Variants in HPS5 observed in about 807,000 individuals in gnomAD.
The protein encoded by HPS5 is BLOC-2 complex member HPS5.
A neutral mutation model predicts 128.0 loss-of-function variants in HPS5; 83 were observed. The ratio of observed to expected loss-of-function variants is 0.65; its 90% CI spans 0.54 to 0.78. The LOEUF is 0.78. HPS5 is among the 30% of genes least tolerant of loss of function. The pLI, the probability that HPS5 is intolerant of heterozygous loss-of-function variation, is 0.00. For missense variants in HPS5, 1,281 were observed against 1,326.2 expected, an observed-to-expected ratio of 0.97 and a Z score of 0.53; for synonymous variants, 475 against 470.2, an observed-to-expected ratio of 1.01 and a Z score of -0.13.
rs558603925 is a variant in HPS5 at position 18,311,456 on chromosome 11, A to G, written c.220-5T>C. ...GACTTGAGAAATTGCACCTTCCTAG[A>G]GCACAAAAGAAAATACATTTTTTAA... is the stretch of plus-strand genomic sequence containing the variant. On this transcript the variant is annotated splice_polypyrimidine_tract_variant and splice_region_variant and intron_variant, in intron 3 of 22. Transcript: ENST00000349215. 10 of 1,563,202 alleles carry G rather than the reference A, an allele frequency of 6.4e-6. No homozygotes were observed. In the African/African-American group the frequency reaches 1.1e-4, roughly 17 times the overall value.
Position 18,311,926 on chromosome 11 carries a change from A to T in HPS5, c.207T>A (p.Phe69Leu). The change falls in exon 3 of 23, where the codon TTT (phenylalanine) becomes TTA (leucine). Residue 69 changes from phenylalanine to leucine, a missense_variant. Physicochemically the swap from Phe to Leu is conservative, Grantham distance 22. Transcript: ENST00000349215. The part of the protein sequence containing the change: ...IQKEGWKHRL[F>L]LSHREGAISQ... ...CCCTTAATCTTACCCTGTGTGAAAG[A>T]AAAAGCCTGTGCTTCCAGCCTTCTT... 6.2e-7 allele frequency: 1 copy of T among 1,612,028 alleles called. No individual in the cohort carries two copies. The highest frequency in any genetic ancestry group is 2.2e-5 in the East Asian group (1 of 44,874).
At chr11:18,313,941 G>A (rs1037378459) in intron 2 of HPS5, among the ~76,000 whole-genome samples, 3 of 151,744 alleles carry the variant, frequency 2.0e-5, no homozygotes, top group African/African-American at 7.3e-5. Context: ...CGGGTGCGGT[G>A]GCTCATGCCT....
chr11:18,313,659 T>A (rs1351060557), intron 2 of HPS5, among the ~76,000 whole-genome samples: 2 of 152,224 alleles, frequency 1.3e-5, no homozygotes, highest in Non-Finnish European at 2.9e-5. Context: ...CTCACGCCTG[T>A]AATCCCAACA....
rs1274241030 is a variant in HPS5, at chr11:18,295,162, T to G, written c.1642A>C (p.Ser548Arg). 1 of 1,613,952 alleles carries G rather than the reference T, an allele frequency of 6.2e-7. No homozygotes were observed. The highest frequency in any genetic ancestry group is 2.2e-5 in the East Asian group (1 of 44,880). Residue 548 changes from serine (S) to arginine (R), a missense_variant, in exon 14 of 23, where the codon AGC becomes CGC. Ser to Arg is a moderately radical substitution (Grantham distance 110, BLOSUM62 -1). Coordinates refer to ENST00000349215, the MANE Select transcript of HPS5 (RefSeq NM_181507.2). ...TTCTCAGTAGTTTTACGCACAAAGC[T>G]AGAAACACTAGAAGTCAAATAACAA... ...SLQAVKESVS[S>R]FVRKTTEKIG...
chr11:18,287,941 T>C lies in HPS5; in HGVS notation c.2513A>G (p.Asp838Gly). ...GDLPTRLKLL[D>G]DEVPFDSPLL... ...CGGACTATCAAAAGGAACCTCGTCA[T>C]CTAGTAACTTTAACCTTGTTGGTAG... The change falls in exon 17 of 23, where the codon GAT becomes GGT. Residue 838 changes from aspartate (D) to glycine (G), a missense_variant. Physicochemically the swap from Asp to Gly is moderately conservative, Grantham distance 94. Transcript: ENST00000349215. The C allele has an allele frequency of 6.2e-7, 1 of 1,614,054 alleles. No individual in the cohort carries two copies.
chr11:18,307,014 T>C (rs1862453037), intron 6 of HPS5, among the ~76,000 whole-genome samples: 1 of 149,662 alleles, frequency 6.7e-6, no homozygotes, highest in African/African-American at 2.4e-5. Flanking sequence ...TCATTCCTCC[T>C]CAGAAACTTT....
Position 18,298,975 on chromosome 11 carries a change from G to A in HPS5, c.986-5C>T, listed in dbSNP as rs201439984. On this transcript the variant is annotated splice_region_variant and splice_polypyrimidine_tract_variant and intron_variant, in intron 9 of 22. Coordinates refer to ENST00000349215, the MANE Select transcript of HPS5 (RefSeq NM_181507.2). Reference sequence around the variant, plus strand: ...AGACAGCCACATCCTGAATATCTACGAAAACCACAGGTGTGAACATACAAA... The same window carrying A: ...AGACAGCCACATCCTGAATATCTACAAAAACCACAGGTGTGAACATACAAA... The A allele has an allele frequency of 4.3e-4, 688 of 1,613,894 alleles. 2 individuals carry two copies. The highest frequency in any genetic ancestry group is 1.4e-3 in the South Asian group (126 of 91,072).
chr11:18,296,966 C>T lies in HPS5; in HGVS notation c.1342G>A (p.Asp448Asn), dbSNP rs560730650. The part of the protein sequence containing the change: ...ISSHESFSIL[D>N]SGIYRIISSR... ...CTAATGATACGATAAATACCAGAGT[C>T]CAAGATGCTGAAACTTTCCTAAAAA... Residue 448 changes from aspartate to asparagine, a missense_variant, in exon 12 of 23, where the codon GAC becomes AAC. Transcript: ENST00000349215. The T allele has an allele frequency of 6.2e-7, 1 of 1,601,724 alleles. No homozygotes were observed. Among genetic ancestry groups the T allele is most frequent in the East Asian group, 2.2e-5 (1 of 44,790 alleles).
rs763599072 is a variant in HPS5 at position 18,291,688 on chromosome 11, C to G, written c.2194G>C (p.Gly732Arg). The G allele has an allele frequency of 5.0e-6, 8 of 1,614,100 alleles. No individual in the cohort carries two copies. The highest frequency in any genetic ancestry group is 8.5e-7 in the Non-Finnish European group (1 of 1,180,044). Residue 732 changes from glycine (G) to arginine (R), a missense_variant, in exon 16 of 23, where the codon GGT becomes CGT. Gly to Arg is a moderately radical substitution (Grantham distance 125, BLOSUM62 -2). Coordinates refer to ENST00000349215, the MANE Select transcript of HPS5 (RefSeq NM_181507.2). ...QICSPCAIAS[G>R]LRNDLAELTT... ...AATTCAGCCAGGTCGTTCCGAAGAC[C>G]ACTTGCAATGGCGCATGGAGAACAT...
Position 18,317,610 on chromosome 11 carries a change from T to C in HPS5, c.108+141A>G, listed in dbSNP as rs769062859. On this transcript the variant is annotated intron_variant, in intron 2 of 22. Transcript: ENST00000349215. The stretch of plus-strand genomic sequence containing the variant: ...TCCTCAGATAAAAAGTTTATTTTCT[T>C]CTTTTTTTTCCCCCACAAAAGTATG... 406 of 823,166 alleles carry C rather than the reference T, an allele frequency of 4.9e-4. 1 individual carries two copies. Among genetic ancestry groups the C allele is most frequent in the Admixed American group, 4.0e-4 (15 of 37,672 alleles). The allele number at this position is 823,166 out of a possible 1,614,324, so 51.0% of individuals were successfully genotyped here.
chr11:18,315,910 T>C (rs371633665), intron 2 of HPS5, among the ~76,000 whole-genome samples: 7 of 152,318 alleles, frequency 4.6e-5, no homozygotes, highest in East Asian at 1.9e-4. Flanking sequence ...TAATGATTTA[T>C]TGCCACTCAA....
rs187424318 is a variant in HPS5 at position 18,313,840 on chromosome 11, G to C, written c.109-1816C>G. Among the ~76,000 whole-genome samples the C allele has an allele frequency of 4.1e-4, 62 of 151,300 alleles. 1 individual carries two copies. The highest frequency in any genetic ancestry group is 1.3e-3 in the African/African-American group (52 of 41,322). On this transcript the variant is annotated intron_variant, in intron 2 of 22. Transcript: ENST00000349215. ...GAGGCAGTAGAATCACTTGAACCCA[G>C]GAAGTGGAGGTTGCAGTGAGCCAAG...
At chr11:18,319,074 C>G (rs1863987061) in intron 1 of HPS5, among the ~76,000 whole-genome samples, 1 of 151,554 alleles carries the variant, frequency 6.6e-6, no homozygotes, top group African/African-American at 2.4e-5. Flanking sequence ...CAGAAAGAAA[C>G]TTTCACATGC....
In HPS5 at chr11:18,310,816, A is replaced by C. The variant is rs1371165358; in HGVS notation, c.402T>G (p.Ala134=). Reference sequence around the variant, plus strand: ...GATCACCTACAAAAACTCTAAGAATAGCTGTATCCCAGCAGAGAGCTGTGA... The same window carrying C: ...GATCACCTACAAAAACTCTAAGAATCGCTGTATCCCAGCAGAGAGCTGTGA... The part of the protein sequence containing the change: ...RRVTALCWDT[A]ILRVFVGDHA... Residue 134 remains alanine, a synonymous_variant, in exon 5 of 23, where the codon GCT becomes GCG. Coordinates refer to ENST00000349215, the MANE Select transcript of HPS5 (RefSeq NM_181507.2). 4.3e-6 allele frequency: 7 copies of C among 1,614,114 alleles called. No individual in the cohort carries two copies.
In HPS5 at chr11:18,291,990, A is replaced by G. The variant is rs746874798; in HGVS notation, c.1892T>C (p.Phe631Ser). The change falls in exon 16 of 23, where the codon TTT (phenylalanine) becomes TCT (serine). Residue 631 changes from phenylalanine (F) to serine (S), a missense_variant. Physicochemically the swap from Phe to Ser is radical, Grantham distance 155. Coordinates refer to ENST00000349215, the MANE Select transcript of HPS5 (RefSeq NM_181507.2). ...MTKLQDPLVL[F>S]ESESLRMVLQ... ...AACCATTCTCAGAGACTCGGATTCA[A>G]ATAAAACCAGAGGGTCCTGTAGCTT... 6 of 1,613,794 alleles carry G rather than the reference A, an allele frequency of 3.7e-6. No individual in the cohort carries two copies. The highest frequency in any genetic ancestry group is 5.1e-6 in the Non-Finnish European group (6 of 1,179,990).
chr11:18,283,872 A>T lies in HPS5; in HGVS notation c.2981T>A (p.Leu994Ter). 14 of 1,613,210 alleles carry T rather than the reference A, an allele frequency of 8.7e-6. No homozygotes were observed. Among genetic ancestry groups the T allele is most frequent in the Non-Finnish European group, 1.2e-5 (14 of 1,179,466 alleles). Reference protein sequence around the residue: ...GFWPGYLILCLELERRREAFT... With the variant: ...GFWPGYLILC The stretch of plus-strand genomic sequence containing the variant: ...GGCCTCTCTTCTTCTCTCCAGCTCC[A>T]AACAGAGAATTAGATATCCAGGCCA... Residue 994 changes from leucine (L) to a stop codon, truncating the protein, a stop_gained, in exon 21 of 23, where the codon TTG (leucine) becomes TAG (stop). Transcript: ENST00000349215. LOFTEE classifies it high-confidence loss of function.
In HPS5 at chr11:18,298,920, T is replaced by G; in HGVS notation, c.1036A>C (p.Asn346His). ...AGGGAGAGATGTGAGACTTTCCCAT[T>G]TAGGTGCAAACAGAACAATTCATTC... ...CRNELFCLHL[N>H]GKVSHLSLIS... Residue 346 changes from asparagine to histidine, a missense_variant, in exon 10 of 23, where the codon AAT (asparagine) becomes CAT (histidine). Physicochemically the swap from Asn to His is moderately conservative, Grantham distance 68 (BLOSUM62 1). Transcript: ENST00000349215. The G allele has an allele frequency of 6.2e-7, 1 of 1,614,152 alleles. No homozygotes were observed. Among genetic ancestry groups the G allele is most frequent in the Non-Finnish European group, 8.5e-7 (1 of 1,180,008 alleles).
chr11:18,280,884 T>C (rs973060412), intron 22 of HPS5, among the ~76,000 whole-genome samples: 3 of 152,100 alleles, frequency 2.0e-5, no homozygotes, highest in African/African-American at 7.2e-5. Flanking sequence ...AGGGGCTAGG[T>C]AGAGGAAGTA....
chr11:18,292,061 T>G, intron 15 of HPS5, 42 bp from the exon 16 acceptor site: 1 of 1,497,936 alleles, frequency 6.7e-7, no homozygotes, highest in South Asian at 1.1e-5. Context: ...TGTCATGTGT[T>G]TTTCTTAAAA....
Sources: allele counts gnomAD v4.1 joint callset (sites outside exome capture counted in the v4.1 genomes callset), GRCh38; gene constraint gnomAD v4.1.1; transcripts MANE v1.5; gene names NCBI Gene and HGNC (gene_info 2026-07-23, HGNC 2026-07-21).